CACNG4: variants seen among roughly 807,000 people sequenced by gnomAD.
CACNG4 encodes the protein calcium voltage-gated channel auxiliary subunit gamma 4, also known as voltage-dependent calcium channel gamma-4 subunit.
In CACNG4, 8 loss-of-function variants were observed where a neutral mutation model predicts 22.9. That is an observed-to-expected ratio of 0.35 (90% CI 0.21 to 0.63). The LOEUF is 0.63. Among genes scored for constraint, CACNG4 ranks in the 30% least tolerant of loss-of-function variants. The pLI is 0.72. For synonymous variants in CACNG4, 188 were observed against 191.9 expected (o/e 0.98, Z 0.17); for missense variants, 357 against 455.4 (o/e 0.78, Z 1.97).
At chr17:67,026,743 TTG>T (rs112103783) in intron 3 of CACNG4, among the ~76,000 whole-genome samples, 4 of 148,522 alleles carry the variant, frequency 2.7e-5, no homozygotes, top group South Asian at 4.3e-4. Context: ...TGTGGTGTGT[TTG>T]TGTGTGTGAG....
At chr17:67,006,360 C>A (rs1007382053) in intron 1 of CACNG4, among the ~76,000 whole-genome samples, 1 of 152,164 alleles carries the variant, frequency 6.6e-6, no homozygotes, top group Admixed American at 6.5e-5. Context: ...GCTCCCAGGG[C>A]GCCTCGGCTG....
chr17:66,983,215 G>T (rs969728367), intron 1 of CACNG4, among the ~76,000 whole-genome samples: 4 of 152,158 alleles, frequency 2.6e-5, no homozygotes, highest in African/African-American at 9.7e-5. Context: ...CTCCCCTTGT[G>T]GGAGACTCAC....
rs182454603 is a variant in CACNG4, at chr17:66,998,293, G to A, written c.221-19896G>A. Among the ~76,000 whole-genome samples the A allele has an allele frequency of 2.6e-3, 399 of 152,220 alleles. 1 individual carries two copies. Among genetic ancestry groups the A allele is most frequent in the Non-Finnish European group, 4.2e-3 (285 of 68,010 alleles). Reference sequence around the variant, plus strand: ...GCTGAAGTGCAGTGGTGCAGTCATGGCTCACTGCAGCCTCCAACTCTGGGC... The same window carrying A: ...GCTGAAGTGCAGTGGTGCAGTCATGACTCACTGCAGCCTCCAACTCTGGGC... On this transcript the variant is annotated intron_variant, in intron 1 of 3. Transcript: ENST00000262138.
At chr17:66,993,668 C>T (rs544227900) in intron 1 of CACNG4, among the ~76,000 whole-genome samples, 47 of 152,318 alleles carry the variant, frequency 3.1e-4, no homozygotes, top group Non-Finnish European at 5.6e-4. Context: ...TGCAGTGGCG[C>T]GATCTCGGCT....
At chr17:66,981,772 T>G (rs891426563) in intron 1 of CACNG4, among the ~76,000 whole-genome samples, 6 of 152,236 alleles carry the variant, frequency 3.9e-5, no homozygotes, top group African/African-American at 2.4e-5. Context: ...AAATGCCTGC[T>G]GAGCCCTTGC....
intron 1 of CACNG4, among the ~76,000 whole-genome samples, chr17:66,973,896 G>A (rs986304058): frequency 3.9e-5 from 6 of 152,224 alleles, no homozygotes; most frequent in South Asian, 2.1e-4. Flanking sequence ...ATGAGACTCC[G>A]GGAAGTGCTG....
rs2035155776 is a variant in CACNG4, at chr17:66,964,829, C to T, written c.-83C>T. The T allele has an allele frequency of 1.3e-5, 10 of 773,636 alleles. No individual in the cohort carries two copies. Among genetic ancestry groups the T allele is most frequent in the South Asian group, 5.8e-5 (1 of 17,238 alleles). The allele number at this position is 773,636 out of a possible 1,614,324, so 47.9% of individuals were successfully genotyped here. A position where few individuals can be genotyped will look rare whatever the true frequency, so the allele number is the denominator to read the frequency against. ...GGCCCTCGGCCCCCCAACCCCGGCG[C>T]CCCCGGAGCGGCGCGCGGAGGGAGG... On this transcript the variant is annotated 5_prime_UTR_variant, in exon 1 of 4. Transcript: ENST00000262138.
intron 1 of CACNG4, among the ~76,000 whole-genome samples, chr17:66,975,574 A>G (rs912169358): frequency 6.6e-6 from 1 of 152,162 alleles, no homozygotes; most frequent in African/African-American, 2.4e-5. Context: ...CACCTTATAG[A>G]TATTCAAAAC....
At chr17:67,004,960 G>A (rs2035428867) in intron 1 of CACNG4, among the ~76,000 whole-genome samples, 1 of 152,154 alleles carries the variant, frequency 6.6e-6, no homozygotes, top group South Asian at 2.1e-4. Context: ...CTGGGCTCAA[G>A]CAATCCGCCC....
chr17:66,969,768 A>G (rs12451912), intron 1 of CACNG4, among the ~76,000 whole-genome samples: 95,192 of 152,052 alleles, frequency 0.63, 30,189 homozygotes, highest in South Asian at 0.78. Flanking sequence ...TGGGTCAGCT[A>G]CATGGCTCTG....
chr17:66,977,696 C>T (rs1019731449), intron 1 of CACNG4, among the ~76,000 whole-genome samples: 3 of 152,230 alleles, frequency 2.0e-5, no homozygotes, highest in African/African-American at 7.2e-5. Context: ...TCACCTCTCT[C>T]TTGTTTTTTT....
At chr17:66,966,685 AG>A in intron 1 of CACNG4, among the ~76,000 whole-genome samples, 1 of 152,196 alleles carries the variant, frequency 6.6e-6, no homozygotes, top group Non-Finnish European at 1.5e-5. Flanking sequence ...CTCCCAAAAG[AG>A]GCTGCTTTGC....
At chr17:66,971,461 A>G (rs1598100025) in intron 1 of CACNG4, among the ~76,000 whole-genome samples, 2 of 152,182 alleles carry the variant, frequency 1.3e-5, no homozygotes, top group South Asian at 4.1e-4. Flanking sequence ...TCTGTATTAG[A>G]CATGCAGGGC....
chr17:67,002,124 A>G (rs2035411758), intron 1 of CACNG4, among the ~76,000 whole-genome samples: 1 of 152,190 alleles, frequency 6.6e-6, no homozygotes, highest in African/African-American at 2.4e-5. Flanking sequence ...GGTTTAATGG[A>G]CTCACAGTTC....
chr17:67,007,891 G>T (rs768269969), intron 1 of CACNG4, among the ~76,000 whole-genome samples: 6 of 152,170 alleles, frequency 3.9e-5, no homozygotes, highest in Non-Finnish European at 7.3e-5. Context: ...CCCATGGCAG[G>T]TTGGGAGGGA....
intron 3 of CACNG4, among the ~76,000 whole-genome samples, chr17:67,025,477 C>T (rs1322484516): frequency 5.3e-5 from 8 of 152,338 alleles, no homozygotes; most frequent in Admixed American, 2.0e-4. Context: ...AGGGCGAGGG[C>T]CCGGAATGGG....
At position 67,030,921 on chromosome 17, in the gene CACNG4, C is replaced by A. The variant is rs1294697731; in HGVS notation, c.901C>A (p.Leu301Met). ...SYSPDQEASF[L>M]QVHDFFQQDL... ...CAGCCCCGACCAGGAGGCCAGCTTC[C>A]TGCAGGTGCATGACTTTTTCCAGCA... Residue 301 changes from leucine to methionine, a missense_variant, in exon 4 of 4, where the codon CTG (leucine) becomes ATG (methionine). By Grantham distance (15) the Leu-to-Met change is conservative. This residue lies in a region of CACNG4 where 240 missense variants were observed against 277.6 expected (regional missense o/e 0.86). Coordinates refer to ENST00000262138, the MANE Select transcript of CACNG4 (RefSeq NM_014405.4). The surrounding 1 kb of genome is among the most constrained non-coding windows in gnomAD (Gnocchi z 6.4). 6.2e-7 allele frequency: 1 copy of A among 1,613,424 alleles called. No homozygotes were observed. The highest frequency in any genetic ancestry group is 8.5e-7 in the Non-Finnish European group (1 of 1,180,030).
Position 67,031,548 on chromosome 17 carries a change from C to G in CACNG4, c.*544C>G, listed in dbSNP as rs1265233202. The G allele has an allele frequency of 2.2e-6, 1 of 456,936 alleles. No homozygotes were observed. Among genetic ancestry groups the G allele is most frequent in the East Asian group, 6.9e-5 (1 of 14,408 alleles). 28.3% of individuals were successfully genotyped at this position (456,936 alleles called of 1,614,324 possible). A position where few individuals can be genotyped will look rare whatever the true frequency, so the allele number is the denominator to read the frequency against. On this transcript the variant is annotated 3_prime_UTR_variant, in exon 4 of 4. Transcript: ENST00000262138. The surrounding 1 kb of genome is among the most constrained non-coding windows in gnomAD (Gnocchi z 4.0). ...CTTCCTCTCCATCTCTCCCTCTCTCCAAGACTCTGGCAGTGGCCTATGATC... is the reference window on the plus strand; with the variant it reads ...CTTCCTCTCCATCTCTCCCTCTCTCGAAGACTCTGGCAGTGGCCTATGATC...
chr17:67,017,672 C>G (rs1427947308), intron 1 of CACNG4, among the ~76,000 whole-genome samples: 3 of 152,130 alleles, frequency 2.0e-5, no homozygotes, highest in Non-Finnish European at 4.4e-5. Flanking sequence ...CATTCGCCAC[C>G]ACGGCCAGCT....
Sources: allele counts gnomAD v4.1 joint callset (sites outside exome capture counted in the v4.1 genomes callset), GRCh38; gene constraint gnomAD v4.1.1; regional missense constraint gnomAD v4.1.1; non-coding constraint Gnocchi (gnomAD v3.1); transcripts MANE v1.5; gene names NCBI Gene and HGNC (gene_info 2026-07-23, HGNC 2026-07-21).